DNMBP: variants seen among roughly 807,000 people sequenced by gnomAD.
DNMBP encodes dynamin-binding protein.
DNMBP carries 87 observed loss-of-function variants against 150.0 expected under a neutral mutation model. The ratio of observed to expected loss-of-function variants is 0.58; its 90% confidence interval spans 0.49 to 0.69. DNMBP has a LOEUF of 0.69. DNMBP is among the 30% of genes least tolerant of loss of function. The probability of loss-of-function intolerance (pLI) is 0.00; values close to 1 mark genes in which losing one functional copy is unlikely to be tolerated. For synonymous variants in DNMBP, 711 were observed against 750.4 expected, an observed-to-expected ratio of 0.95 and a Z score of 0.86; for missense variants, 1,774 against 1,949.0, an observed-to-expected ratio of 0.91 and a Z score of 1.69.
intron 3 of DNMBP, among the ~76,000 whole-genome samples, chr10:99,968,632 G>C (rs1305987136): frequency 6.6e-6 from 1 of 150,398 alleles, no homozygotes; most frequent in Non-Finnish European, 1.5e-5. Context: ...AGGTTGCAGT[G>C]AGCTGAGATC....
intron 8 of DNMBP, 75 bp from the exon 9 acceptor site, chr10:99,898,360 C>G: frequency 7.5e-7 from 1 of 1,336,734 alleles, no homozygotes; most frequent in Non-Finnish European, 1.1e-6. Context: ...CGTGAGACCC[C>G]ACCTTAAAAA....
At chr10:99,987,061 G>A (rs544793578) in intron 1 of DNMBP, among the ~76,000 whole-genome samples, 62 of 151,772 alleles carry the variant, frequency 4.1e-4, no homozygotes, top group African/African-American at 1.1e-3. Context: ...AGGCTGAGGC[G>A]GGAGAATGGC....
At chr10:99,954,038 CT>C (rs148676130) in intron 4 of DNMBP, among the ~76,000 whole-genome samples, 80 of 144,520 alleles carry the variant, frequency 5.5e-4, no homozygotes, top group Non-Finnish European at 4.4e-4. Context: ...GTATGAGATT[CT>C]TTTTTTTTTT....
Position 99,889,273 on chromosome 10 carries a change from T to C in DNMBP, c.3157-320A>G, listed in dbSNP as rs1038012650. ...CAAATTAGAACCAAGATGATTCCTA[T>C]AGGATTACGATAATGACCAGTCACC... On this transcript the variant is annotated intron_variant, in intron 11 of 16. Coordinates refer to ENST00000324109, the MANE Select transcript of DNMBP (RefSeq NM_015221.4). 38 of 197,516 alleles carry C rather than the reference T, an allele frequency of 1.9e-4. No individual in the cohort carries two copies. In the South Asian group the frequency reaches 3.5e-3, roughly 18 times the overall value. The allele number at this position is 197,516 out of a possible 1,614,324, so 12.2% of individuals were successfully genotyped here.
At chr10:99,886,719 G>T (rs1265057577) in intron 12 of DNMBP, 87 bp from the exon 13 acceptor site, 2 of 1,315,898 alleles carry the variant, frequency 1.5e-6, no homozygotes, top group African/African-American at 2.9e-5. Flanking sequence ...TGACTTTGTT[G>T]TGTCCTGAAC....
chr10:99,933,761 G>GA (rs1423125928), intron 4 of DNMBP, among the ~76,000 whole-genome samples: 1 of 152,176 alleles, frequency 6.6e-6, no homozygotes, highest in African/African-American at 2.4e-5. Context: ...TTTTGAGACG[G>GA]AGTCTCGCTC....
At chr10:99,896,160 G>A in intron 10 of DNMBP, 107 bp downstream of exon 10, 1 of 1,309,650 alleles carries the variant, frequency 7.6e-7, no homozygotes, top group South Asian at 1.5e-5. Flanking sequence ...TAAAACCGGA[G>A]GACGTCTGAG....
In DNMBP at chr10:99,955,538, G is replaced by T; in HGVS notation, c.1936C>A (p.Pro646Thr). The part of the protein sequence containing the change: ...PLVVRPSRPA[P>T]LPPSAQQRTN... ...CTCTGCTGTGCTGAGGGAGGCAGGGGAGCTGGGCGAGAGGGTCGCACCACC... is the reference window on the plus strand; with the variant it reads ...CTCTGCTGTGCTGAGGGAGGCAGGGTAGCTGGGCGAGAGGGTCGCACCACC... The change falls in exon 4 of 17, where the codon CCC becomes ACC. Residue 646 changes from proline (P) to threonine (T), a missense_variant. By Grantham distance (38) the Pro-to-Thr change is conservative. Transcript: ENST00000324109. 6.3e-7 allele frequency: 1 copy of T among 1,597,118 alleles called. No homozygotes were observed. Among genetic ancestry groups the T allele is most frequent in the Non-Finnish European group, 8.5e-7 (1 of 1,172,144 alleles).
In DNMBP at chr10:99,880,175, G is replaced by C; in HGVS notation, c.4184C>G (p.Thr1395Ser). 1 of 1,614,208 alleles carries C rather than the reference G, an allele frequency of 6.2e-7. No individual in the cohort carries two copies. The highest frequency in any genetic ancestry group is 8.5e-7 in the Non-Finnish European group (1 of 1,180,034). The change falls in exon 16 of 17, where the codon ACC becomes AGC. Residue 1395 changes from threonine (T) to serine (S), a missense_variant. Thr to Ser is a moderately conservative substitution (Grantham distance 58, BLOSUM62 1). Coordinates refer to ENST00000324109, the MANE Select transcript of DNMBP (RefSeq NM_015221.4). ...FNPSSMAVSF[T>S]SGSCQKQPQD... ...AGGCTGCTTCTGGCAAGACCCCGAG[G>C]TAAAGGATACAGCCATGCTGCTGGG...
chr10:99,997,759 C>A (rs1208507415), intron 1 of DNMBP, among the ~76,000 whole-genome samples: 1 of 151,592 alleles, frequency 6.6e-6, no homozygotes, highest in Non-Finnish European at 1.5e-5. Context: ...CCAGCCTGGG[C>A]AACATGGCAA....
intron 4 of DNMBP, among the ~76,000 whole-genome samples, chr10:99,920,991 C>G (rs1028735222): frequency 6.6e-6 from 1 of 152,188 alleles, no homozygotes; most frequent in African/African-American, 2.4e-5. Flanking sequence ...ACTTCCCACT[C>G]TTTTACTTCA....
chr10:99,953,136 A>G (rs2040442712), intron 4 of DNMBP, among the ~76,000 whole-genome samples: 1 of 152,324 alleles, frequency 6.6e-6, no homozygotes, highest in East Asian at 1.9e-4. Flanking sequence ...TATCATTCCC[A>G]AATTAAGGGA....
chr10:99,991,019 C>G (rs2040884881), intron 1 of DNMBP, among the ~76,000 whole-genome samples: 1 of 151,944 alleles, frequency 6.6e-6, no homozygotes, highest in Non-Finnish European at 1.5e-5. Flanking sequence ...GAGTTTTTAG[C>G]ATATTCAGAG....
chr10:99,899,807 A>G, intron 7 of DNMBP, 112 bp downstream of exon 7: 2 of 1,193,082 alleles, frequency 1.7e-6, no homozygotes, highest in Non-Finnish European at 2.5e-6. Context: ...GATATATATC[A>G]TGGATATCTT....
At chr10:99,931,923 G>T (rs1289072827) in intron 4 of DNMBP, among the ~76,000 whole-genome samples, 2 of 152,230 alleles carry the variant, frequency 1.3e-5, no homozygotes, top group African/African-American at 2.4e-5. Context: ...GGAGAAGCAG[G>T]ATCTCTGCAG....
At chr10:99,911,738 A>G (rs973912952) in intron 4 of DNMBP, among the ~76,000 whole-genome samples, 1 of 152,226 alleles carries the variant, frequency 6.6e-6, no homozygotes, top group African/African-American at 2.4e-5. Context: ...CATAACAGAA[A>G]AAGCTCTTTC....
chr10:99,887,381 G>T (rs2039485784), intron 12 of DNMBP, among the ~76,000 whole-genome samples: 2 of 152,044 alleles, frequency 1.3e-5, no homozygotes, highest in Non-Finnish European at 2.9e-5. Flanking sequence ...ACAAAAATTA[G>T]GCAGGTATGG....
At chr10:99,883,338 G>A (rs1209074469) in intron 15 of DNMBP, among the ~76,000 whole-genome samples, 1 of 152,062 alleles carries the variant, frequency 6.6e-6, no homozygotes, top group African/African-American at 2.4e-5. Flanking sequence ...AAATCCCACA[G>A]GTTTTTAATT....
chr10:99,999,542 G>C (rs996665478), intron 1 of DNMBP, among the ~76,000 whole-genome samples: 1 of 152,178 alleles, frequency 6.6e-6, no homozygotes, highest in African/African-American at 2.4e-5. Flanking sequence ...ATGGTCAACT[G>C]CAGTCTAAAA....
Sources: gnomAD v4.1 joint callset for allele counts (sites outside exome capture counted in the v4.1 genomes callset) on GRCh38, gnomAD v4.1.1 for gene constraint, MANE v1.5 for transcripts, NCBI Gene and HGNC (gene_info 2026-07-23, HGNC 2026-07-21) for gene names.